The following CHRNB4 variants were observed in gnomAD, a reference collection of about 807,000 sequenced individuals.
CHRNB4 encodes the protein cholinergic receptor nicotinic beta 4 subunit.
CHRNB4 carries 23 observed loss-of-function variants against 40.4 expected under a neutral mutation model. The observed-to-expected ratio is 0.57, with a 90% CI of 0.41 to 0.81. CHRNB4 has a LOEUF of 0.81. Among genes scored for constraint, CHRNB4 ranks in the 30% least tolerant of loss-of-function variants. The pLI is 0.00. For missense variants in CHRNB4, 568 were observed against 670.6 expected (o/e 0.85, Z 1.69); for synonymous variants, 285 against 274.4 (o/e 1.04, Z -0.38).
At chr15:78,631,394 C>T (rs2053808531) in intron 2 of CHRNB4, 62 bp from the exon 3 acceptor site, 2 of 1,545,660 alleles carry the variant, frequency 1.3e-6, no homozygotes, top group Middle Eastern at 2.3e-4. Context: ...ATGGATTGCA[C>T]TTTATTGTGC....
chr15:78,649,759 G>T (rs965369629), intron 6 of CHRNB4, among the ~76,000 whole-genome samples: 1 of 151,976 alleles, frequency 6.6e-6, no homozygotes, highest in African/African-American at 2.4e-5. Flanking sequence ...AAAATTGCAC[G>T]AGTGATAAAC....
In CHRNB4 at chr15:78,638,567, C is replaced by T. The variant is rs1040202322; in HGVS notation, c.55+2512G>A. ...ACAGAGCCTGGAAATGGTGCTGTCCCGGGCAGTGTGTGCCCATGACTGCGC... is the reference window on the plus strand; with the variant it reads ...ACAGAGCCTGGAAATGGTGCTGTCCTGGGCAGTGTGTGCCCATGACTGCGC... On this transcript the variant is annotated intron_variant, in intron 1 of 5. Coordinates refer to ENST00000261751, the MANE Select transcript of CHRNB4 (RefSeq NM_000750.5). 4.6e-5 allele frequency among the ~76,000 whole-genome samples: 7 copies of T among 151,030 alleles called. No individual in the cohort carries two copies. The South Asian group carries it at 8.3e-4, about 18-fold the overall frequency.
upstream of CHRNB4, among the ~76,000 whole-genome samples, chr15:78,644,116 T>C (rs553242157): frequency 6.6e-6 from 1 of 151,594 alleles, no homozygotes; most frequent in Admixed American, 6.6e-5. Flanking sequence ...TGAGCGGAGA[T>C]TGCACCACTG....
At position 78,635,547 on chromosome 15, in the gene CHRNB4, G is replaced by T. The variant is rs201949739; in HGVS notation, c.96C>A (p.Asp32Glu). 6.2e-7 allele frequency: 1 copy of T among 1,614,140 alleles called. No homozygotes were observed. Among genetic ancestry groups the T allele is most frequent in the African/African-American group, 1.3e-5 (1 of 75,024 alleles). Reference protein sequence around the residue: ...RVANAEEKLMDDLLNKTRYNN... With the variant: ...RVANAEEKLMEDLLNKTRYNN... ...TGTAACGGGTTTTGTTCAGAAGGTC[G>T]TCCATCAGCTTTTCCTCCGCATTGG... The change falls in exon 2 of 6, where the codon GAC becomes GAA. Residue 32 changes from aspartate to glutamate, a missense_variant. By Grantham distance (45) the Asp-to-Glu change is conservative. Coordinates refer to ENST00000261751, the MANE Select transcript of CHRNB4 (RefSeq NM_000750.5).
At chr15:78,658,532 C>T (rs1252336134) in intron 1 of CHRNB4, among the ~76,000 whole-genome samples, 2 of 152,152 alleles carry the variant, frequency 1.3e-5, no homozygotes, top group Admixed American at 1.3e-4. Context: ...CCTCTTGGTC[C>T]CCAGATCAGT....
chr15:78,652,344 T>TATGGAGGCACACA (rs1300152753), intron 6 of CHRNB4, among the ~76,000 whole-genome samples: 1 of 152,226 alleles, frequency 6.6e-6, no homozygotes, highest in Non-Finnish European at 1.5e-5. Flanking sequence ...TAGGTTGCCA[T>TATGGAGGCACACA]GTCTGAGGCA....
rs2053623381 is a variant in CHRNB4 at position 78,625,180 on chromosome 15, G to C, written c.1450C>G (p.Gln484Glu). The change falls in exon 6 of 6, where the codon CAG becomes GAG. Residue 484 changes from glutamine to glutamate, a missense_variant. Coordinates refer to ENST00000261751, the MANE Select transcript of CHRNB4 (RefSeq NM_000750.5). ...GGCCCCTCAGAAGCTGCATGGGTCT[G>C]GAAGAGGGGCGGTAGGAAGAGCCCC... is the stretch of plus-strand genomic sequence containing the variant. ...TVGLFLPPLF[Q>E]THAASEGPYA... is the part of the protein sequence containing the mutation. The C allele has an allele frequency of 6.2e-7, 1 of 1,612,260 alleles. No individual in the cohort carries two copies.
upstream of CHRNB4, among the ~76,000 whole-genome samples, chr15:78,645,159 C>A (rs1165016077): frequency 1.3e-5 from 2 of 152,224 alleles, no homozygotes; most frequent in Non-Finnish European, 2.9e-5. Context: ...CTACCCTAGT[C>A]ATCCCAGGGC....
upstream of CHRNB4, among the ~76,000 whole-genome samples, chr15:78,645,493 A>T (rs965918618): frequency 2.6e-5 from 4 of 152,166 alleles, no homozygotes; most frequent in African/African-American, 9.7e-5. Flanking sequence ...ATTTTAAAAC[A>T]GCCATGAAGA....
chr15:78,628,950 G>T lies in CHRNB4; in HGVS notation c.1338+17C>A. 5 of 1,597,314 alleles carry T rather than the reference G, an allele frequency of 3.1e-6. No homozygotes were observed. The highest frequency in any genetic ancestry group is 4.3e-6 in the Non-Finnish European group (5 of 1,168,328). On this transcript the variant is annotated intron_variant, in intron 5 of 5. Transcript: ENST00000261751. The stretch of plus-strand genomic sequence containing the variant: ...CTTTCTGTTGGGCAGGTGGGCAGGG[G>T]CTGGTTAGCAACTTACACTCTGGTC...
upstream of CHRNB4, among the ~76,000 whole-genome samples, chr15:78,644,892 T>C (rs1368715538): frequency 6.6e-6 from 1 of 152,160 alleles, no homozygotes; most frequent in Non-Finnish European, 1.5e-5. Context: ...GCCAACCACA[T>C]ATATGCCAGG....
chr15:78,628,910 G>A (rs1357883643), intron 5 of CHRNB4, 57 bp downstream of exon 5: 3 of 1,541,878 alleles, frequency 1.9e-6, no homozygotes, highest in Non-Finnish European at 2.6e-6. Flanking sequence ...GGAAGCTGGT[G>A]CTACTATCTG....
chr15:78,645,473 T>C (rs1442700429), upstream of CHRNB4, among the ~76,000 whole-genome samples: 1 of 151,984 alleles, frequency 6.6e-6, no homozygotes, highest in Non-Finnish European at 1.5e-5. Flanking sequence ...CTAATGAAAA[T>C]CTTGAGTGCA....
intron 2 of CHRNB4, among the ~76,000 whole-genome samples, chr15:78,632,221 C>CTT (rs1442594376): frequency 9.2e-5 from 8 of 87,050 alleles, no homozygotes; most frequent in African/African-American, 6.3e-4. Flanking sequence ...TTCTCTTTCT[C>CTT]TCTCTCTCTC....
upstream of CHRNB4, chr15:78,661,075 C>G (rs1011672066): frequency 5.0e-6 from 3 of 600,154 alleles, no homozygotes; most frequent in African/African-American, 5.5e-5. Flanking sequence ...CCTTTGACCT[C>G]TGGCGCGCTT....
At chr15:78,634,677 C>T (rs1031480181) in intron 2 of CHRNB4, 28 of 455,144 alleles carry the variant, frequency 6.2e-5, no homozygotes, top group Admixed American at 2.1e-4. Context: ...CTGGACACAG[C>T]GCCCTGCACT....
Position 78,625,138 on chromosome 15 carries a change from C to G in CHRNB4, c.1492G>C (p.Asp498His). The G allele has an allele frequency of 1.2e-6, 2 of 1,614,124 alleles. No homozygotes were observed. Among genetic ancestry groups the G allele is most frequent in the East Asian group, 4.5e-5 (2 of 44,886 alleles). ...CCCCACAACCCAGGGGGCCCTCAGT[C>G]ACGCTGGGCAGCGTAGGGCCCCTCA... ...ASEGPYAAQR[D>H] Residue 498 changes from aspartate to histidine, a missense_variant, in exon 6 of 6, where the codon GAC (aspartate) becomes CAC (histidine). By Grantham distance (81) the Asp-to-His change is moderately conservative (BLOSUM62 -1). This residue lies in a region of CHRNB4 where 242 missense variants were observed against 274.9 expected (regional missense o/e 0.88). Transcript: ENST00000261751.
rs767411189 is a variant in CHRNB4 at position 78,631,264 on chromosome 15, CTCAGGGCCCT to C, written c.249+14_249+23del. The stretch of plus-strand genomic sequence containing the variant: ...AGCCCTAAAGAAAAGATCTCTGGGG[CTCAGGGCCCT>C]TCAGGGCACTTACCTGTTTCAGCCA... On this transcript the variant is annotated intron_variant, in intron 3 of 5. Coordinates refer to ENST00000261751, the MANE Select transcript of CHRNB4 (RefSeq NM_000750.5). The C allele has an allele frequency of 2.5e-6, 4 of 1,614,006 alleles. No individual in the cohort carries two copies. The highest frequency in any genetic ancestry group is 1.7e-5 in the Admixed American group (1 of 60,022).
chr15:78,646,609 G>A (rs936654904), intron 7 of CHRNB4, among the ~76,000 whole-genome samples: 12 of 152,118 alleles, frequency 7.9e-5, no homozygotes, highest in African/African-American at 2.9e-4. Flanking sequence ...GTTCACAGAG[G>A]GCCATCTTTT....
Sources: gnomAD v4.1 joint callset for allele counts (sites outside exome capture counted in the v4.1 genomes callset) on GRCh38, gnomAD v4.1.1 for gene constraint, gnomAD v4.1.1 regional missense constraint, MANE v1.5 for transcripts, NCBI Gene and HGNC (gene_info 2026-07-23, HGNC 2026-07-21) for gene names.